The following CADM2 variants were observed in gnomAD, a reference collection of about 807,000 sequenced individuals.
CADM2 encodes immunoglobulin superfamily member 4D.
In CADM2, 12 loss-of-function variants were observed where a neutral mutation model predicts 49.8. That is an observed-to-expected ratio of 0.24 (90% CI 0.15 to 0.39). The LOEUF is 0.39. CADM2 is among the 10% of genes least tolerant of loss of function. The pLI is 1.00. For synonymous variants in CADM2, 214 were observed against 175.4 expected (o/e 1.22, Z -1.74); for missense variants, 378 against 492.3 (o/e 0.77, Z 2.20).
At chr3:85,818,826 G>C (rs2073379796) in intron 3 of CADM2, among the ~76,000 whole-genome samples, 1 of 151,092 alleles carries the variant, frequency 6.6e-6, no homozygotes, top group Admixed American at 6.6e-5. Flanking sequence ...CTGGAACAGA[G>C]CATGAGCTAA....
chr3:85,241,286 T>A (rs1442733729), intron 1 of CADM2, among the ~76,000 whole-genome samples: 2 of 151,490 alleles, frequency 1.3e-5, no homozygotes, highest in African/African-American at 4.8e-5. Flanking sequence ...GCCTAGATTA[T>A]GATAGGACAT....
At chr3:85,191,057 G>T (rs1347896254) in intron 1 of CADM2, among the ~76,000 whole-genome samples, 1 of 151,982 alleles carries the variant, frequency 6.6e-6, no homozygotes, top group East Asian at 1.9e-4. Context: ...TAGCATAGAT[G>T]AATGATATTC....
At chr3:86,040,458 C>T (rs999061612) in intron 8 of CADM2, among the ~76,000 whole-genome samples, 7 of 151,992 alleles carry the variant, frequency 4.6e-5, no homozygotes, top group Non-Finnish European at 1.0e-4. Flanking sequence ...GTAGCTGATT[C>T]GATCAACTGG....
At chr3:85,517,455 A>G (rs2060931500) in intron 1 of CADM2, among the ~76,000 whole-genome samples, 1 of 152,164 alleles carries the variant, frequency 6.6e-6, no homozygotes, top group Non-Finnish European at 1.5e-5. Flanking sequence ...ATCAACTTAT[A>G]TATTTAATCT....
At chr3:85,333,055 A>G (rs1007432828) in intron 1 of CADM2, among the ~76,000 whole-genome samples, 1 of 151,756 alleles carries the variant, frequency 6.6e-6, no homozygotes. Flanking sequence ...AGCACTTTTC[A>G]TTGTCTCGTT....
At chr3:85,571,637 C>G (rs759470613) in intron 1 of CADM2, among the ~76,000 whole-genome samples, 18 of 152,158 alleles carry the variant, frequency 1.2e-4, no homozygotes, top group Non-Finnish European at 2.5e-4. Context: ...TTCTTACTCT[C>G]TAAGCTAAAC....
chr3:85,178,875 C>A (rs1189360520), intron 1 of CADM2, among the ~76,000 whole-genome samples: 1 of 151,658 alleles, frequency 6.6e-6, no homozygotes, highest in Admixed American at 6.6e-5. Flanking sequence ...TAACTTTACT[C>A]CTACAAAAGT....
chr3:85,098,706 A>T (rs1216604304), intron 1 of CADM2, among the ~76,000 whole-genome samples: 1 of 152,180 alleles, frequency 6.6e-6, no homozygotes, highest in Non-Finnish European at 1.5e-5. Context: ...AAATATGTGC[A>T]TACAGAAGTC....
chr3:85,200,818 AATTAACTCCAGTTCCT>A (rs2041477639), intron 1 of CADM2, among the ~76,000 whole-genome samples: 1 of 152,196 alleles, frequency 6.6e-6, no homozygotes, highest in Non-Finnish European at 1.5e-5. Flanking sequence ...TGGTATTTCC[AATTAACTCCAGTTCCT>A]ATAGCAACTT....
chr3:85,259,877 G>A (rs1420171205), intron 1 of CADM2, among the ~76,000 whole-genome samples: 1 of 152,072 alleles, frequency 6.6e-6, no homozygotes, highest in Non-Finnish European at 1.5e-5. Context: ...TGTGTTTTGA[G>A]AACTTGGCTC....
chr3:86,050,890 G>A (rs28847694), intron 8 of CADM2, among the ~76,000 whole-genome samples: 29,496 of 152,086 alleles, frequency 0.19, 3,010 homozygotes, highest in African/African-American at 0.25. Flanking sequence ...CTGCTGCAAA[G>A]GTCTCTGAAA....
intron 1 of CADM2, among the ~76,000 whole-genome samples, chr3:85,347,082 G>T (rs1340533905): frequency 6.6e-6 from 1 of 151,834 alleles, no homozygotes; most frequent in South Asian, 2.1e-4. Flanking sequence ...AATTAGCCAG[G>T]TATGGTGGTG....
At chr3:85,632,452 A>G (rs1345295564) in intron 1 of CADM2, among the ~76,000 whole-genome samples, 1 of 152,156 alleles carries the variant, frequency 6.6e-6, no homozygotes, top group African/African-American at 2.4e-5. Flanking sequence ...GAGTCAGAAT[A>G]ATGCGTCGAG....
At chr3:85,930,093 A>C (rs1355750241) in intron 6 of CADM2, among the ~76,000 whole-genome samples, 1 of 152,102 alleles carries the variant, frequency 6.6e-6, no homozygotes, top group Non-Finnish European at 1.5e-5. Flanking sequence ...TGGAAATATA[A>C]ACTAGCTTTG....
rs571820004 is a variant in CADM2 at position 85,149,449 on chromosome 3, G to A, written c.61+189781G>A. Among the ~76,000 whole-genome samples the A allele has an allele frequency of 2.2e-4, 34 of 152,220 alleles. No homozygotes were observed. In the East Asian group the frequency reaches 3.5e-3, roughly 16 times the overall value. On this transcript the variant is annotated intron_variant, in intron 1 of 9. Coordinates refer to ENST00000383699, the MANE Select transcript of CADM2 (RefSeq NM_001167675.2). ...CATATACAAATTAATAAATTGAGCC[G>A]GGCACGGTTGCTCACACCTGTAATC...
At chr3:85,138,229 C>T (rs1213709725) in intron 1 of CADM2, among the ~76,000 whole-genome samples, 1 of 152,076 alleles carries the variant, frequency 6.6e-6, no homozygotes, top group Non-Finnish European at 1.5e-5. Flanking sequence ...TCTGCAGTGT[C>T]ATGGGATACC....
intron 1 of CADM2, among the ~76,000 whole-genome samples, chr3:85,321,116 A>ATATTTTTTTT (rs2044596196): frequency 3.6e-5 from 1 of 27,494 alleles, no homozygotes; most frequent in Non-Finnish European, 6.5e-5. Flanking sequence ...ATATATATAT[A>ATATTTTTTTT]TTTTTTTTTT....
intron 2 of CADM2, among the ~76,000 whole-genome samples, chr3:85,796,354 C>G (rs148127709): frequency 1.3e-5 from 2 of 152,202 alleles, no homozygotes; most frequent in Admixed American, 1.3e-4. Context: ...TTTTTCGCCT[C>G]ACCTCACTTC....
intron 1 of CADM2, among the ~76,000 whole-genome samples, chr3:85,330,896 A>T (rs1381366824): frequency 6.6e-6 from 1 of 151,978 alleles, no homozygotes; most frequent in Non-Finnish European, 1.5e-5. Flanking sequence ...TGTGAGTTTG[A>T]GGCTGCAGTG....
Sources: gnomAD v4.1 joint callset for allele counts (sites outside exome capture counted in the v4.1 genomes callset) on GRCh38, gnomAD v4.1.1 for gene constraint, MANE v1.5 for transcripts, NCBI Gene and HGNC (gene_info 2026-07-23, HGNC 2026-07-21) for gene names.